Variants in DNAH6 observed in about 807,000 individuals in gnomAD.
The protein encoded by DNAH6 is axonemal beta dynein heavy chain 6.
DNAH6 carries 340 observed loss-of-function variants against 491.4 expected under a neutral mutation model. That is an observed-to-expected ratio of 0.69 (90% confidence interval 0.63 to 0.76). DNAH6 has a LOEUF of 0.76. Ranked by LOEUF, DNAH6 falls within the 30% of genes least tolerant of loss-of-function variation. The probability of loss-of-function intolerance (pLI) is 0.00; values close to 1 mark genes in which losing one functional copy is unlikely to be tolerated. For missense variants in DNAH6, 4,443 were observed against 4,972.2 expected (o/e 0.89, Z 3.20); for synonymous variants, 1,603 against 1,686.1 (o/e 0.95, Z 1.21).
chr2:84,550,299 G>A (rs532009020), intron 9 of DNAH6, among the ~76,000 whole-genome samples: 9 of 152,240 alleles, frequency 5.9e-5, no homozygotes, highest in Non-Finnish European at 1.2e-4. Flanking sequence ...ATTAGTTAGA[G>A]TCTCATAAGG....
chr2:84,604,427 A>T lies in DNAH6; in HGVS notation c.2957A>T (p.Asp986Val). 6.4e-7 allele frequency: 1 copy of T among 1,552,068 alleles called. No individual in the cohort carries two copies. Among genetic ancestry groups the T allele is most frequent in the Non-Finnish European group, 8.7e-7 (1 of 1,147,048 alleles). The change falls in exon 19 of 77, where the codon GAT becomes GTT. Residue 986 changes from aspartate (D) to valine (V), a missense_variant. This residue lies in a region of DNAH6 where 2,977 missense variants were observed against 3,296.6 expected (regional missense o/e 0.90). Coordinates refer to ENST00000389394, the MANE Select transcript of DNAH6 (RefSeq NM_001370.2). ...CAAACAGTTGATGCCACTCTAGTGG[A>T]TGCTGAAATTCCATTAACCTTGGAG... is the stretch of plus-strand genomic sequence containing the variant. ...IEQTVDATLV[D>V]AEIPLTLERL...
rs1675757469 is a variant in DNAH6 at position 84,517,994 on chromosome 2, T to A, written c.168T>A (p.Ile56=). 6.5e-7 allele frequency: 1 copy of A among 1,541,716 alleles called. No individual in the cohort carries two copies. Among genetic ancestry groups the A allele is most frequent in the East Asian group, 2.5e-5 (1 of 39,782 alleles). The change falls in exon 2 of 77, where the codon ATT becomes ATA. Residue 56 remains isoleucine, a synonymous_variant. Transcript: ENST00000389394. ...SDTQILTFRH[I]TKAQEKTRKR... is the part of the protein sequence containing the mutation. ...CACAAATCCTAACGTTTAGGCACATTACAAAAGCTCAGGAGAAGACAAGAA... is the reference window on the plus strand; with the variant it reads ...CACAAATCCTAACGTTTAGGCACATAACAAAAGCTCAGGAGAAGACAAGAA...
At chr2:84,629,379 A>G (rs564867231) in intron 29 of DNAH6, among the ~76,000 whole-genome samples, 18 of 152,320 alleles carry the variant, frequency 1.2e-4, no homozygotes, top group Middle Eastern at 3.4e-3. Context: ...CTGCAAATGT[A>G]TAAGAGCTGC....
rs141189078 is a variant in DNAH6 at position 84,625,370 on chromosome 2, G to A, written c.4515+307G>A. 3.3e-5 allele frequency among the ~76,000 whole-genome samples: 5 copies of A among 152,300 alleles called. No individual in the cohort carries two copies. In the East Asian group the frequency reaches 9.6e-4, roughly 29 times the overall value. ...TACAAGATAGAATAGCAGGGAAACC[G>A]AAGAACAAGGACTAAGCTTAGAGTA... is the stretch of plus-strand genomic sequence containing the variant. On this transcript the variant is annotated intron_variant, in intron 29 of 76. Transcript: ENST00000389394.
the DNAH6 span, among the ~76,000 whole-genome samples, chr2:84,480,004 C>T: frequency 2.6e-5 from 4 of 152,156 alleles, no homozygotes; most frequent in Non-Finnish European, 5.9e-5. Context: ...CACTTAACAG[C>T]AATTGATGGG....
At position 84,713,146 on chromosome 2, in the gene DNAH6, T is replaced by C; in HGVS notation, c.9430T>C (p.Phe3144Leu). Residue 3144 changes from phenylalanine (F) to leucine (L), a missense_variant, in exon 57 of 77, where the codon TTT becomes CTT. Physicochemically the swap from Phe to Leu is conservative, Grantham distance 22 (BLOSUM62 0). This residue lies in a region of DNAH6 where 1,463 missense variants were observed against 1,656.6 expected (regional missense o/e 0.88). Coordinates refer to ENST00000389394, the MANE Select transcript of DNAH6 (RefSeq NM_001370.2). ...ALEPILLKQI[F>L]ISGGRLLIRL... ...AGAACCCATTCTTTTGAAACAAATT[T>C]TTATCAGTGGTGGCCGACTACTCAT... 1 of 1,551,760 alleles carries C rather than the reference T, an allele frequency of 6.4e-7. No individual in the cohort carries two copies.
the DNAH6 span, among the ~76,000 whole-genome samples, chr2:84,498,014 T>C: frequency 2.6e-5 from 4 of 152,234 alleles, no homozygotes; most frequent in African/African-American, 4.8e-5. Flanking sequence ...CTCTGGGCCA[T>C]GTACACTATG....
At chr2:84,692,081 C>T (rs899070871) in intron 45 of DNAH6, among the ~76,000 whole-genome samples, 5 of 152,336 alleles carry the variant, frequency 3.3e-5, no homozygotes, top group African/African-American at 9.6e-5. Context: ...AATAAGTCCT[C>T]GTAGACTCCC....
intron 62 of DNAH6, among the ~76,000 whole-genome samples, chr2:84,741,958 A>G (rs1257445958): frequency 6.6e-6 from 1 of 152,240 alleles, no homozygotes; most frequent in Non-Finnish European, 1.5e-5. Flanking sequence ...CCCTGCATCC[A>G]GGACCATCTC....
chr2:84,481,338 T>C, the DNAH6 span, among the ~76,000 whole-genome samples: 1 of 152,210 alleles, frequency 6.6e-6, no homozygotes, highest in Non-Finnish European at 1.5e-5. Flanking sequence ...TAAAAAAATT[T>C]CTCTGTGAAC....
At chr2:84,628,121 C>T (rs970612197) in intron 29 of DNAH6, among the ~76,000 whole-genome samples, 1 of 152,040 alleles carries the variant, frequency 6.6e-6, no homozygotes, top group Admixed American at 6.6e-5. Context: ...AGTGATCACC[C>T]CTAGATTCGT....
chr2:84,602,191 T>A (rs1685313012), intron 18 of DNAH6, among the ~76,000 whole-genome samples: 1 of 152,076 alleles, frequency 6.6e-6, no homozygotes, highest in African/African-American at 2.4e-5. Context: ...CATTGCTTTG[T>A]GTGGATCTAA....
chr2:84,767,565 C>T (rs1312956069), intron 64 of DNAH6, among the ~76,000 whole-genome samples: 5 of 150,682 alleles, frequency 3.3e-5, no homozygotes, highest in South Asian at 2.1e-4. Context: ...TATTTATAAG[C>T]GTATATATAT....
rs1678362416 is a variant in DNAH6 at position 84,796,518 on chromosome 2, G to A, written c.11359+93G>A. The A allele has an allele frequency of 5.2e-6, 6 of 1,146,206 alleles. 1 individual carries two copies. The highest frequency in any genetic ancestry group is 4.8e-5 in the African/African-American group (3 of 62,716). 71.0% of individuals were successfully genotyped at this position (1,146,206 alleles called of 1,614,324 possible). On this transcript the variant is annotated intron_variant, in intron 69 of 76. Coordinates refer to ENST00000389394, the MANE Select transcript of DNAH6 (RefSeq NM_001370.2). ...CCCACCCAGGGGCTGTCTGTGTCAG[G>A]TCTCCACAACGCTGTTATAGCCACA...
At chr2:84,667,024 T>C (rs1005514071) in intron 37 of DNAH6, among the ~76,000 whole-genome samples, 4 of 152,220 alleles carry the variant, frequency 2.6e-5, no homozygotes, top group African/African-American at 9.6e-5. Context: ...TAAATGGTGC[T>C]GGGAAAACTG....
In DNAH6 at chr2:84,723,089, G is replaced by A. The variant is rs142406487; in HGVS notation, c.9972+285G>A. 8.3e-3 allele frequency among the ~76,000 whole-genome samples: 1,261 copies of A among 152,152 alleles called. 18 individuals carry two copies. Among genetic ancestry groups the A allele is most frequent in the African/African-American group, 0.029 (1,187 of 41,510 alleles). On this transcript the variant is annotated intron_variant, in intron 60 of 76. Transcript: ENST00000389394. ...CTAAAAATACAAAAATTAGCCAGGC[G>A]TGGTGGCAGGTGCCTGTAATCCCAG...
At chr2:84,472,057 T>A in the DNAH6 span, among the ~76,000 whole-genome samples, 1 of 152,174 alleles carries the variant, frequency 6.6e-6, no homozygotes, top group Non-Finnish European at 1.5e-5. Context: ...CCACCATATA[T>A]CTTGTCCAGC....
Position 84,694,478 on chromosome 2 carries a change from C to A in DNAH6, c.7522C>A (p.Gln2508Lys), listed in dbSNP as rs1231902780. Residue 2508 changes from glutamine (Q) to lysine (K), a missense_variant and splice_region_variant, in exon 46 of 77, where the codon CAG (glutamine) becomes AAG (lysine). Transcript: ENST00000389394. ...KNMVFLFTDT[Q>K]IVVEEFLEDI... ...TATGGTTTTCCTTTTCACTGACACC[C>A]AGGTGTGTGTTTAAATAGCCCATGG... is the stretch of plus-strand genomic sequence containing the variant. 4 of 1,550,250 alleles carry A rather than the reference C, an allele frequency of 2.6e-6. No individual in the cohort carries two copies. Among genetic ancestry groups the A allele is most frequent in the Non-Finnish European group, 3.5e-6 (4 of 1,145,686 alleles).
intron 63 of DNAH6, among the ~76,000 whole-genome samples, chr2:84,755,998 T>G (rs1673973212): frequency 1.3e-5 from 2 of 152,202 alleles, no homozygotes; most frequent in Admixed American, 1.3e-4. Context: ...CTGCCATCCA[T>G]GTAAGGCGTG....
Sources: allele counts gnomAD v4.1 joint callset (sites outside exome capture counted in the v4.1 genomes callset), GRCh38; gene constraint gnomAD v4.1.1; regional missense constraint gnomAD v4.1.1; transcripts MANE v1.5; gene names NCBI Gene and HGNC (gene_info 2026-07-23, HGNC 2026-07-21).